Variants in TCF4 observed in about 807,000 individuals in gnomAD.
TCF4 encodes transcription factor 4.
Under a neutral mutation model 82.1 loss-of-function variants are expected in TCF4, and 3 were observed. The ratio of observed to expected loss-of-function variants is 0.04; its 90% CI spans 0.02 to 0.09. TCF4 has a LOEUF of 0.09. TCF4 is among the 10% of genes least tolerant of loss of function. TCF4 has a pLI of 1.00. For missense variants in TCF4, 518 were observed against 852.7 expected (o/e 0.61, Z 4.89); for synonymous variants, 276 against 309.6 (o/e 0.89, Z 1.14).
At chr18:55,609,025 C>A (rs913750178) in intron 2 of TCF4, among the ~76,000 whole-genome samples, 1 of 152,136 alleles carries the variant, frequency 6.6e-6, no homozygotes, top group African/African-American at 2.4e-5. Context: ...GACACAGGCT[C>A]TTTCTCTCTG....
intron 6 of TCF4, among the ~76,000 whole-genome samples, chr18:55,381,633 A>G (rs1032017987): frequency 4.6e-5 from 7 of 152,274 alleles, no homozygotes; most frequent in East Asian, 1.9e-4. Flanking sequence ...ATTCAGAAAT[A>G]CAAAGCAAAG....
chr18:55,485,006 C>T (rs890738052), intron 3 of TCF4, among the ~76,000 whole-genome samples: 12 of 152,302 alleles, frequency 7.9e-5, no homozygotes, highest in Middle Eastern at 3.4e-3. Flanking sequence ...AGGCCAGATA[C>T]TGGTTTCAAA....
At chr18:55,377,920 G>A (rs1484270401) in intron 6 of TCF4, among the ~76,000 whole-genome samples, 1 of 152,012 alleles carries the variant, frequency 6.6e-6, no homozygotes, top group African/African-American at 2.4e-5. Flanking sequence ...TTCCATTCAC[G>A]CTATAGAATA....
chr18:55,569,899 T>A (rs925955011), intron 3 of TCF4, among the ~76,000 whole-genome samples: 2 of 152,198 alleles, frequency 1.3e-5, no homozygotes, highest in African/African-American at 4.8e-5. Context: ...CTTGACAAGC[T>A]GAATTTTAAA....
intron 3 of TCF4, among the ~76,000 whole-genome samples, chr18:55,510,410 C>T (rs2096813555): frequency 6.6e-6 from 1 of 152,132 alleles, no homozygotes; most frequent in African/African-American, 2.4e-5. Flanking sequence ...TCCAACCTGA[C>T]AGAAATTTGA....
intron 2 of TCF4, among the ~76,000 whole-genome samples, chr18:55,597,598 C>T (rs948350130): frequency 1.3e-5 from 2 of 151,398 alleles, no homozygotes; most frequent in African/African-American, 4.9e-5. Context: ...ACCTGGGAAG[C>T]GGAGGTTGCA....
rs570287611 is a variant in TCF4 at position 55,356,204 on chromosome 18, C to A, written c.370-5201G>T. On this transcript the variant is annotated intron_variant, in intron 6 of 19. Transcript: ENST00000354452. The stretch of plus-strand genomic sequence containing the variant: ...CACTGATTATTATTGAAAAGATGCA[C>A]CAAAAGTTATGAGTGATCATTAGAT... Among the ~76,000 whole-genome samples the A allele has an allele frequency of 5.7e-4, 86 of 152,060 alleles. No individual in the cohort carries two copies. In the Middle Eastern group the frequency reaches 0.01, roughly 18 times the overall value.
chr18:55,546,648 C>CTACA (rs1161468919), intron 3 of TCF4, among the ~76,000 whole-genome samples: 1 of 152,162 alleles, frequency 6.6e-6, no homozygotes, highest in Admixed American at 6.5e-5. Context: ...TTTTGAAAAT[C>CTACA]TACAAATGGG....
At chr18:55,441,357 TG>T (rs1162767640) in intron 5 of TCF4, among the ~76,000 whole-genome samples, 1 of 152,266 alleles carries the variant, frequency 6.6e-6, no homozygotes, top group Non-Finnish European at 1.5e-5. Flanking sequence ...AGTTTCCATT[TG>T]TACATAATGA....
intron 8 of TCF4, among the ~76,000 whole-genome samples, chr18:55,341,233 T>C (rs117237879): frequency 6.6e-5 from 10 of 152,320 alleles, no homozygotes; most frequent in South Asian, 6.2e-4. Flanking sequence ...GCTGCCCAGG[T>C]CTCACTCCCA....
intron 2 of TCF4, among the ~76,000 whole-genome samples, chr18:55,616,436 A>G (rs1037413019): frequency 9.9e-5 from 15 of 152,088 alleles, no homozygotes; most frequent in Non-Finnish European, 2.1e-4. Context: ...AGGAGATTGA[A>G]TATCAATTTG....
chr18:55,401,845 C>T (rs1350772620), intron 6 of TCF4: 6 of 943,210 alleles, frequency 6.4e-6, no homozygotes, highest in Non-Finnish European at 7.6e-6. Context: ...AGGGGCCCAG[C>T]GAAAACAGAG....
At chr18:55,538,500 C>T (rs557032815) in intron 3 of TCF4, among the ~76,000 whole-genome samples, 1 of 152,250 alleles carries the variant, frequency 6.6e-6, no homozygotes, top group Admixed American at 6.5e-5. Context: ...GGGGCCTGAG[C>T]CAGAAGACTC....
At chr18:55,510,691 T>A in intron 3 of TCF4, 1 of 1,456,720 alleles carries the variant, frequency 6.9e-7, no homozygotes, top group Non-Finnish European at 9.0e-7. Flanking sequence ...AACTGAGACC[T>A]CCACTTTAAA....
intron 8 of TCF4, among the ~76,000 whole-genome samples, chr18:55,281,195 T>G (rs559739782): frequency 2.6e-5 from 4 of 152,182 alleles, no homozygotes; most frequent in African/African-American, 9.6e-5. Context: ...TTTTTGAGTA[T>G]TTTTAAGAAA....
chr18:55,505,670 G>C (rs1313588017), intron 3 of TCF4, among the ~76,000 whole-genome samples: 1 of 151,036 alleles, frequency 6.6e-6, no homozygotes, highest in Non-Finnish European at 1.5e-5. Context: ...CGGGCGTAGT[G>C]GCGGGCGCCT....
intron 6 of TCF4, among the ~76,000 whole-genome samples, chr18:55,360,327 G>C (rs2084768775): frequency 1.3e-5 from 2 of 152,158 alleles, no homozygotes; most frequent in South Asian, 4.1e-4. Flanking sequence ...ACTAGAGACA[G>C]AACTTAGATA....
At chr18:55,396,529 A>T (rs542301103) in intron 6 of TCF4, among the ~76,000 whole-genome samples, 1 of 152,302 alleles carries the variant, frequency 6.6e-6, no homozygotes, top group South Asian at 2.1e-4. Flanking sequence ...CGAGTCGGCC[A>T]GTCAACTACT....
At chr18:55,401,524 A>G (rs1188465364) in intron 6 of TCF4, 2 of 989,210 alleles carry the variant, frequency 2.0e-6, no homozygotes, top group Non-Finnish European at 2.4e-6. Flanking sequence ...AAATTCAGCC[A>G]TCACATGCCA....
Sources: gnomAD v4.1 joint callset for allele counts (sites outside exome capture counted in the v4.1 genomes callset) on GRCh38, gnomAD v4.1.1 for gene constraint, MANE v1.5 for transcripts, NCBI Gene and HGNC (gene_info 2026-07-23, HGNC 2026-07-21) for gene names.